The following WIPI1 variants were observed in gnomAD, a reference collection of about 807,000 sequenced individuals.
WIPI1 encodes the protein WD repeat domain, phosphoinositide interacting 1.
Under a neutral mutation model 55.3 loss-of-function variants are expected in WIPI1, and 45 were observed. The observed-to-expected ratio is 0.81, with a 90% CI of 0.64 to 1.04. WIPI1 has a LOEUF of 1.04. WIPI1 is among the 50% of genes least tolerant of loss of function. The pLI is 0.00. For synonymous variants in WIPI1, 195 were observed against 217.6 expected (o/e 0.90, Z 0.92); for missense variants, 445 against 559.0 (o/e 0.80, Z 2.06).
intron 4 of WIPI1, among the ~76,000 whole-genome samples, chr17:68,443,513 A>C (rs2084167225): frequency 6.6e-6 from 1 of 152,248 alleles, no homozygotes; most frequent in Non-Finnish European, 1.5e-5. Context: ...AAGAGAAGGC[A>C]TCAGAAGTAT....
intron 3 of WIPI1, 69 bp from the exon 4 acceptor site, chr17:68,444,658 T>C: frequency 7.8e-7 from 1 of 1,279,580 alleles, no homozygotes; most frequent in South Asian, 1.3e-5. Flanking sequence ...ATCCAAATCA[T>C]TCATCTTTCA....
chr17:68,455,948 T>C (rs547427820), intron 1 of WIPI1, among the ~76,000 whole-genome samples: 3 of 152,234 alleles, frequency 2.0e-5, no homozygotes, highest in Non-Finnish European at 4.4e-5. Flanking sequence ...AAATGTTTCT[T>C]ACAGAACATC....
chr17:68,433,777 T>TTTTGTTTG (rs1568633025), intron 7 of WIPI1, among the ~76,000 whole-genome samples: 4 of 63,616 alleles, frequency 6.3e-5, no homozygotes, highest in African/African-American at 2.0e-4. Flanking sequence ...TTTTTTTTTT[T>TTTTGTTTG]TTTTTTTTTT....
intron 4 of WIPI1, chr17:68,440,618 T>C (rs1038228083): frequency 1.3e-5 from 2 of 152,218 alleles, no homozygotes; most frequent in Admixed American, 1.3e-4. Flanking sequence ...GGCTTTTGGA[T>C]GTGTTATAGC....
intron 12 of WIPI1, chr17:68,424,566 T>G (rs2083026918): frequency 1.9e-6 from 1 of 520,690 alleles, no homozygotes; most frequent in Admixed American, 2.0e-5. Flanking sequence ...GAGCTGATGC[T>G]CCAAGTCTTG....
intron 4 of WIPI1, among the ~76,000 whole-genome samples, chr17:68,442,680 T>A (rs1482413401): frequency 6.6e-6 from 1 of 152,080 alleles, no homozygotes; most frequent in South Asian, 2.1e-4. Flanking sequence ...AAGGCCCAGC[T>A]CAGGCCCTGC....
intron 1 of WIPI1, among the ~76,000 whole-genome samples, chr17:68,457,050 C>G (rs1392760650): frequency 6.6e-6 from 1 of 152,212 alleles, no homozygotes; most frequent in Non-Finnish European, 1.5e-5. Flanking sequence ...CTGCTCCCCC[C>G]ATATTCCGTG....
chr17:68,424,379 C>T, intron 12 of WIPI1: 1 of 522,974 alleles, frequency 1.9e-6, no homozygotes, highest in Non-Finnish European at 3.9e-6. Flanking sequence ...TTTTCTAAGC[C>T]AAATGTGCTC....
chr17:68,436,555 A>G, intron 4 of WIPI1, 76 bp from the exon 5 acceptor site: 9 of 1,383,904 alleles, frequency 6.5e-6, no homozygotes, highest in Non-Finnish European at 8.2e-6. Context: ...GCATCTGAAA[A>G]CAGTACAGCT....
At chr17:68,436,836 A>C (rs2083815435) in intron 4 of WIPI1, among the ~76,000 whole-genome samples, 1 of 152,000 alleles carries the variant, frequency 6.6e-6, no homozygotes, top group Admixed American at 6.6e-5. Context: ...ATCTCTACTA[A>C]AAATACAAAT....
intron 4 of WIPI1, among the ~76,000 whole-genome samples, chr17:68,442,125 G>A (rs2084104167): frequency 6.6e-6 from 1 of 152,132 alleles, no homozygotes; most frequent in South Asian, 2.1e-4. Context: ...GGCAACCAGT[G>A]AGTTTTCTGA....
At chr17:68,438,411 T>G (rs2083925958) in intron 4 of WIPI1, among the ~76,000 whole-genome samples, 1 of 152,208 alleles carries the variant, frequency 6.6e-6, no homozygotes, top group African/African-American at 2.4e-5. Flanking sequence ...CAGAAGGGAT[T>G]CTAGTCTTGT....
Position 68,434,609 on chromosome 17 carries a change from C to T in WIPI1, c.639G>A (p.Val213=), listed in dbSNP as rs1172212392. 3 of 1,613,924 alleles carry T rather than the reference C, an allele frequency of 1.9e-6. No individual in the cohort carries two copies. The highest frequency in any genetic ancestry group is 1.3e-5 in the African/African-American group (1 of 74,920). The change falls in exon 7 of 13, where the codon GTG becomes GTA. Residue 213 remains valine (V), a synonymous_variant. Transcript: ENST00000262139. The stretch of plus-strand genomic sequence containing the variant: ...GCTTTTGCCCATCAGGGACAGAGAA[C>T]ACCCGGATGACTGTGCCCTGGAAAA... ...SASEKGTVIR[V]FSVPDGQKLY...
At chr17:68,437,139 C>T (rs2083848672) in intron 4 of WIPI1, among the ~76,000 whole-genome samples, 1 of 151,998 alleles carries the variant, frequency 6.6e-6, no homozygotes, top group South Asian at 2.1e-4. Flanking sequence ...TTCCTCAAAA[C>T]TGAAATAAAT....
intron 4 of WIPI1, among the ~76,000 whole-genome samples, chr17:68,439,017 G>A (rs999590016): frequency 6.6e-6 from 1 of 152,188 alleles, no homozygotes; most frequent in African/African-American, 2.4e-5. Flanking sequence ...TGGAGAAACT[G>A]GGATCTTATG....
chr17:68,424,439 C>T, intron 12 of WIPI1: 1 of 534,738 alleles, frequency 1.9e-6, no homozygotes, highest in Non-Finnish European at 3.8e-6. Context: ...ACCTGCACTC[C>T]ATCCTTTTAC....
Position 68,457,354 on chromosome 17 carries a change from T to C in WIPI1, c.68A>G (p.Asn23Ser). 1 of 1,544,512 alleles carries C rather than the reference T, an allele frequency of 6.5e-7. No individual in the cohort carries two copies. The highest frequency in any genetic ancestry group is 8.7e-7 in the Non-Finnish European group (1 of 1,145,416). The change falls in exon 1 of 13, where the codon AAC (asparagine) becomes AGC (serine). Residue 23 changes from asparagine (N) to serine (S), a missense_variant. Coordinates refer to ENST00000262139, the MANE Select transcript of WIPI1 (RefSeq NM_017983.7). ...VESALSCFSFNQDCTSLATGT... is the reference protein window; with the variant it reads ...VESALSCFSFSQDCTSLATGT... ...AGTCGCAGCTTACGTGCAGTCCTGG[T>C]TGAAAGAGAAGCAGCTGAGCGCCGA... is the stretch of plus-strand genomic sequence containing the variant.
intron 12 of WIPI1, chr17:68,422,142 T>C (rs2082826380): frequency 3.7e-6 from 1 of 269,896 alleles, no homozygotes; most frequent in East Asian, 7.1e-5. Flanking sequence ...AAAAAGTCAG[T>C]TTAGGCTGGG....
chr17:68,427,063 G>A, intron 11 of WIPI1, 72 bp downstream of exon 11: 1 of 1,269,054 alleles, frequency 7.9e-7, no homozygotes, highest in Non-Finnish European at 1.1e-6. Context: ...GGGAAGGGGA[G>A]GGAGCGTGCA....
Sources: allele counts gnomAD v4.1 joint callset (sites outside exome capture counted in the v4.1 genomes callset), GRCh38; gene constraint gnomAD v4.1.1; transcripts MANE v1.5; gene names NCBI Gene and HGNC (gene_info 2026-07-23, HGNC 2026-07-21).